ULK4: variants seen among roughly 807,000 people sequenced by gnomAD.
ULK4 encodes unc-51 like kinase 4.
In ULK4, 133 loss-of-function variants were observed where a neutral mutation model predicts 160.6. That is an observed-to-expected ratio of 0.83 (90% confidence interval 0.72 to 0.96). The LOEUF is 0.96. Among genes scored for constraint, ULK4 ranks in the 40% least tolerant of loss-of-function variants. The probability of loss-of-function intolerance (pLI) is 0.00; values close to 1 mark genes in which losing one functional copy is unlikely to be tolerated. For synonymous variants in ULK4, 534 were observed against 539.8 expected (o/e 0.99, Z 0.15); for missense variants, 1,580 against 1,499.5 (o/e 1.05, Z -0.89).
chr3:41,823,662 C>A (rs1030477858), intron 18 of ULK4, among the ~76,000 whole-genome samples: 7 of 152,082 alleles, frequency 4.6e-5, no homozygotes, highest in African/African-American at 1.7e-4. Context: ...AGCTCAGTAC[C>A]AACAGGTTAG....
chr3:41,911,691 T>A (rs1431826104), intron 9 of ULK4, 32 bp from the exon 10 acceptor site: 1 of 1,532,226 alleles, frequency 6.5e-7, no homozygotes. Context: ...ACAATCAAAC[T>A]TACTTTGGAG....
intron 18 of ULK4, among the ~76,000 whole-genome samples, chr3:41,832,032 T>G (rs889868839): frequency 6.6e-6 from 1 of 152,200 alleles, no homozygotes; most frequent in African/African-American, 2.4e-5. Flanking sequence ...GTCTTTATAG[T>G]AGAATGATCT....
intron 32 of ULK4, among the ~76,000 whole-genome samples, chr3:41,497,393 CT>C (rs1310725792): frequency 2.0e-5 from 3 of 151,638 alleles, no homozygotes; most frequent in African/African-American, 7.3e-5. Flanking sequence ...ACCAAATAGA[CT>C]AATGTATATA....
intron 21 of ULK4, among the ~76,000 whole-genome samples, chr3:41,773,802 C>A (rs975193942): frequency 5.9e-5 from 9 of 152,098 alleles, no homozygotes; most frequent in Admixed American, 4.6e-4. Context: ...GGAGGCATCA[C>A]GCTACCTGAC....
chr3:41,323,455 CAG>C (rs1553642992), intron 35 of ULK4, among the ~76,000 whole-genome samples: 4 of 145,746 alleles, frequency 2.7e-5, no homozygotes, highest in Non-Finnish European at 1.5e-5. Flanking sequence ...ACCAAAAAAA[CAG>C]AGGCATGGTA....
At chr3:41,498,962 C>T (rs755593617) in intron 32 of ULK4, among the ~76,000 whole-genome samples, 2 of 151,994 alleles carry the variant, frequency 1.3e-5, no homozygotes, top group African/African-American at 2.4e-5. Context: ...AAAGAAAAAA[C>T]ACAAAATACA....
At chr3:41,482,206 T>C (rs142398944) in intron 32 of ULK4, among the ~76,000 whole-genome samples, 236 of 152,296 alleles carry the variant, frequency 1.5e-3, no homozygotes, top group Admixed American at 3.1e-3. Context: ...ACCACCTAGT[T>C]ACTGTGCAGC....
At chr3:41,927,457 A>G (rs1402791270) in intron 5 of ULK4, among the ~76,000 whole-genome samples, 1 of 152,182 alleles carries the variant, frequency 6.6e-6, no homozygotes, top group African/African-American at 2.4e-5. Context: ...CAAAATAACC[A>G]GCTAACATCA....
At chr3:41,920,465 C>T (rs1360106791) in intron 5 of ULK4, among the ~76,000 whole-genome samples, 1 of 152,166 alleles carries the variant, frequency 6.6e-6, no homozygotes, top group Non-Finnish European at 1.5e-5. Flanking sequence ...TAATATTACA[C>T]AGAAATCCCA....
rs1303655622 is a variant in ULK4, at chr3:41,402,650, T to TA, written c.3493-4387dup. On this transcript the variant is annotated intron_variant, in intron 34 of 36. Transcript: ENST00000301831. The stretch of plus-strand genomic sequence containing the variant: ...TTTAATATTTAACCTGTTTATATGG[T>TA]AAAATACATTAATTTATGTTTCAAT... 1.8e-4 allele frequency among the ~76,000 whole-genome samples: 27 copies of TA among 152,332 alleles called. No homozygotes were observed. In the East Asian group the frequency reaches 4.0e-3, roughly 23 times the overall value.
intron 17 of ULK4, among the ~76,000 whole-genome samples, chr3:41,847,784 G>A (rs376178231): frequency 2.0e-5 from 3 of 152,228 alleles, no homozygotes; most frequent in East Asian, 1.9e-4. Flanking sequence ...TCCTTTGGAT[G>A]CTGTGTATTT....
chr3:41,408,344 C>G (rs1457974334), intron 34 of ULK4, among the ~76,000 whole-genome samples: 2 of 142,512 alleles, frequency 1.4e-5, no homozygotes, highest in African/African-American at 5.3e-5. Flanking sequence ...AGGAGAATGG[C>G]GTGAACCCAA....
chr3:41,292,128 C>T (rs894331508), intron 35 of ULK4, among the ~76,000 whole-genome samples: 5 of 151,990 alleles, frequency 3.3e-5, no homozygotes, highest in Admixed American at 1.3e-4. Flanking sequence ...CCACCGCGCC[C>T]GGCCTCACTT....
At chr3:41,545,650 A>T (rs1691958) in intron 32 of ULK4, among the ~76,000 whole-genome samples, 1 of 151,910 alleles carries the variant, frequency 6.6e-6, no homozygotes, top group Admixed American at 6.5e-5. Flanking sequence ...ACCTTTCTAA[A>T]TATGTAGATA....
intron 2 of ULK4, among the ~76,000 whole-genome samples, chr3:41,948,581 G>A (rs186946495): frequency 7.2e-5 from 11 of 152,100 alleles, no homozygotes; most frequent in East Asian, 3.9e-4. Context: ...GATTATGCAC[G>A]ATAACCAAGT....
chr3:41,679,807 C>T lies in ULK4; in HGVS notation c.2978+1701G>A, dbSNP rs1038949836. ...TCTGATCCCTACTGTGTGGAGGAGA[C>T]ATCTCAGGTCCTGAAAAATGTTCTC... On this transcript the variant is annotated intron_variant, in intron 29 of 36. Transcript: ENST00000301831. 5.8e-4 allele frequency among the ~76,000 whole-genome samples: 88 copies of T among 152,196 alleles called. 1 individual carries two copies. Among genetic ancestry groups the T allele is most frequent in the African/African-American group, 1.9e-3 (80 of 41,442 alleles).
At chr3:41,475,564 A>C (rs1485734940) in intron 32 of ULK4, among the ~76,000 whole-genome samples, 6 of 152,220 alleles carry the variant, frequency 3.9e-5, no homozygotes, top group African/African-American at 1.4e-4. Flanking sequence ...CATTATATTC[A>C]TAAATTACAA....
chr3:41,397,519 T>C lies in ULK4; in HGVS notation c.3678+560A>G, dbSNP rs1028632164. Among the ~76,000 whole-genome samples, 5 of 152,070 alleles carry C rather than the reference T, an allele frequency of 3.3e-5. No homozygotes were observed. The South Asian group carries it at 1.0e-3, about 31-fold the overall frequency. ...TCTAGAGTACTAACAAACCTAATCG[T>C]GAAGAAACATCAAACAGACCCAAAC... is the stretch of plus-strand genomic sequence containing the variant. On this transcript the variant is annotated intron_variant, in intron 35 of 36. Transcript: ENST00000301831.
intron 34 of ULK4, among the ~76,000 whole-genome samples, chr3:41,423,186 T>C (rs1575540381): frequency 2.0e-5 from 3 of 152,144 alleles, no homozygotes; most frequent in African/African-American, 7.2e-5. Flanking sequence ...GGGAAAAGGA[T>C]GCAAGGACAC....
Sources: allele counts gnomAD v4.1 joint callset (sites outside exome capture counted in the v4.1 genomes callset), GRCh38; gene constraint gnomAD v4.1.1; transcripts MANE v1.5; gene names NCBI Gene and HGNC (gene_info 2026-07-23, HGNC 2026-07-21).